AKAP10: variants seen among roughly 807,000 people sequenced by gnomAD.
AKAP10 encodes the protein A-kinase anchoring protein 10, also known as A-kinase anchor protein 10, mitochondrial.
A neutral mutation model predicts 80.8 loss-of-function variants in AKAP10; 24 were observed. The ratio of observed to expected loss-of-function variants is 0.30; its 90% CI spans 0.22 to 0.42. The LOEUF is 0.42. Ranked by LOEUF, AKAP10 falls within the 10% of genes least tolerant of loss-of-function variation. AKAP10 has a pLI of 1.00. For synonymous variants in AKAP10, 291 were observed against 277.7 expected (o/e 1.05, Z -0.48); for missense variants, 661 against 794.9 (o/e 0.83, Z 2.03).
At chr17:19,961,025 T>TAAACAAACAAAC (rs113388174) in intron 3 of AKAP10, among the ~76,000 whole-genome samples, 4 of 146,570 alleles carry the variant, frequency 2.7e-5, no homozygotes, top group African/African-American at 5.2e-5. Flanking sequence ...TACAAATAAA[T>TAAACAAACAAAC]AAACAAACAA....
chr17:19,908,448 C>T (rs1244914193), intron 14 of AKAP10, among the ~76,000 whole-genome samples: 1 of 152,096 alleles, frequency 6.6e-6, no homozygotes, highest in Non-Finnish European at 1.5e-5. Context: ...TATGTTCCAG[C>T]AATCATTCAG....
chr17:19,954,878 G>T (rs976077226), intron 4 of AKAP10, among the ~76,000 whole-genome samples: 1 of 151,494 alleles, frequency 6.6e-6, no homozygotes, highest in Non-Finnish European at 1.5e-5. Context: ...GACTCTGAAG[G>T]CACAATCCAT....
rs1334906678 is a variant in AKAP10, at chr17:19,924,513, C to A, written c.1646G>T (p.Ser549Ile). 1.3e-6 allele frequency: 2 copies of A among 1,589,402 alleles called. No individual in the cohort carries two copies. Among genetic ancestry groups the A allele is most frequent in the Non-Finnish European group, 8.6e-7 (1 of 1,162,434 alleles). ...GSSDSSASQSSVKKASIKILK... is the reference protein window; with the variant it reads ...GSSDSSASQSIVKKASIKILK... Reference sequence around the variant, plus strand: ...TATTTTAATACTGGCTTTTTTCACACTGGACTACAATAGAAATTGTAAAAT... The same window carrying A: ...TATTTTAATACTGGCTTTTTTCACAATGGACTACAATAGAAATTGTAAAAT... The change falls in exon 11 of 15, where the codon AGT (serine) becomes ATT (isoleucine). Residue 549 changes from serine to isoleucine, a missense_variant. Coordinates refer to ENST00000225737, the MANE Select transcript of AKAP10 (RefSeq NM_007202.4).
At chr17:19,972,583 G>A (rs1365171849) in intron 1 of AKAP10, among the ~76,000 whole-genome samples, 2 of 152,086 alleles carry the variant, frequency 1.3e-5, no homozygotes, top group African/African-American at 2.4e-5. Context: ...AGCCTCCCAA[G>A]TAGCTGGGAC....
chr17:19,928,418 A>T (rs1267026092), intron 10 of AKAP10, among the ~76,000 whole-genome samples: 1 of 152,206 alleles, frequency 6.6e-6, no homozygotes, highest in Non-Finnish European at 1.5e-5. Context: ...AGCCAAACAG[A>T]TAATAAGTTC....
intron 12 of AKAP10, among the ~76,000 whole-genome samples, chr17:19,918,458 C>T (rs1027805327): frequency 1.3e-5 from 2 of 152,062 alleles, no homozygotes; most frequent in Admixed American, 6.6e-5. Flanking sequence ...CGCTTAAACC[C>T]GGAGGCGGGT....
At chr17:19,966,485 A>G (rs16960554) in intron 2 of AKAP10, among the ~76,000 whole-genome samples, 14,979 of 152,236 alleles carry the variant, frequency 0.098, 805 homozygotes, top group Non-Finnish European at 0.12. Flanking sequence ...TATAAATGGC[A>G]GCTATTATTA....
In AKAP10 at chr17:19,906,545, C is replaced by T. The variant is rs77558973; in HGVS notation, c.1984-313G>A. ...ATTGCCAATTTTCAATAGAGTAATT[C>T]TACTTCTAGGAATTAACCCTAGAGC... On this transcript the variant is annotated intron_variant, in intron 14 of 14. Transcript: ENST00000225737. 2.7e-3 allele frequency among the ~76,000 whole-genome samples: 406 copies of T among 152,290 alleles called. 15 individuals are homozygous for T. The East Asian group carries it at 0.074, about 28-fold the overall frequency.
intron 2 of AKAP10, among the ~76,000 whole-genome samples, chr17:19,965,878 T>G (rs2043411653): frequency 2.0e-5 from 3 of 152,218 alleles, no homozygotes; most frequent in Admixed American, 1.3e-4. Context: ...TGGATATTAT[T>G]TCATCTATCT....
intron 4 of AKAP10, among the ~76,000 whole-genome samples, chr17:19,948,344 G>A (rs540781874): frequency 6.6e-6 from 1 of 152,224 alleles, no homozygotes; most frequent in Admixed American, 6.5e-5. Context: ...GCACAAAGAA[G>A]AAGTTCCAAG....
At chr17:19,950,861 G>A (rs1365018754) in intron 4 of AKAP10, among the ~76,000 whole-genome samples, 1 of 151,944 alleles carries the variant, frequency 6.6e-6, no homozygotes, top group Non-Finnish European at 1.5e-5. Flanking sequence ...TCTAGGAAGT[G>A]AGGAGTGTCT....
chr17:19,914,628 C>CA (rs36071856), intron 12 of AKAP10, among the ~76,000 whole-genome samples: 6,508 of 57,996 alleles, frequency 0.11, 552 homozygotes, highest in African/African-American at 0.24. Flanking sequence ...GACCCTATCT[C>CA]AAAAAAAAAA....
At chr17:19,940,028 T>C (rs542703170) in intron 7 of AKAP10, among the ~76,000 whole-genome samples, 179 bp from the exon 8 acceptor site, 1 of 152,304 alleles carries the variant, frequency 6.6e-6, no homozygotes, top group South Asian at 2.1e-4. Flanking sequence ...TTTTAAAGTA[T>C]TCTTTTAGAC....
At position 19,939,805 on chromosome 17, in the gene AKAP10, C is replaced by A; in HGVS notation, c.1230G>T (p.Leu410Phe). 1 of 1,613,966 alleles carries A rather than the reference C, an allele frequency of 6.2e-7. No homozygotes were observed. Among genetic ancestry groups the A allele is most frequent in the Non-Finnish European group, 8.5e-7 (1 of 1,179,982 alleles). The change falls in exon 8 of 15, where the codon TTG becomes TTT. Residue 410 changes from leucine to phenylalanine, a missense_variant. By Grantham distance (22) the Leu-to-Phe change is conservative. Transcript: ENST00000225737. ...GCTGAGACTGGAAGTTATCTGCTGC[C>A]AACCAGAATTGTAAGATATTCACTG... ...EDAVNILQFW[L>F]AADNFQSQLA...
rs141212940 is a variant in AKAP10 at position 19,955,479 on chromosome 17, C to T, written c.877+2535G>A. On this transcript the variant is annotated intron_variant, in intron 4 of 14. Coordinates refer to ENST00000225737, the MANE Select transcript of AKAP10 (RefSeq NM_007202.4). ...GAAAAAGGGAAAAATGTAACTAATG[C>T]TCTTTTAATAACTCCACTGCTATTT... Among the ~76,000 whole-genome samples the T allele has an allele frequency of 2.4e-3, 361 of 152,226 alleles. 1 individual carries two copies. The highest frequency in any genetic ancestry group is 8.2e-3 in the African/African-American group (342 of 41,542).
intron 1 of AKAP10, among the ~76,000 whole-genome samples, chr17:19,977,377 G>A (rs2043583099): frequency 6.6e-6 from 1 of 152,240 alleles, no homozygotes; most frequent in African/African-American, 2.4e-5. Context: ...TTCTGAACCA[G>A]CGCGACAATA....
intron 12 of AKAP10, among the ~76,000 whole-genome samples, chr17:19,911,835 CAAAAAAAAAAAAAAAAAAAAAAA>C (rs71157844): frequency 1.8e-5 from 1 of 55,008 alleles, no homozygotes; most frequent in East Asian, 9.6e-4. Flanking sequence ...AACTCTGTCA[CAAAAAAAAAAAAAAAAAAAAAAA>C]AAAAAAAAAA....
At chr17:19,910,004 G>A in intron 12 of AKAP10, 26 bp from the exon 13 acceptor site, 1 of 1,606,980 alleles carries the variant, frequency 6.2e-7, no homozygotes. Flanking sequence ...AAAATTGAAT[G>A]TACATTTCAT....
intron 12 of AKAP10, among the ~76,000 whole-genome samples, chr17:19,919,611 G>C (rs2042788223): frequency 6.6e-6 from 1 of 151,736 alleles, no homozygotes; most frequent in African/African-American, 2.4e-5. Context: ...TTGAACCTAG[G>C]AAGCAGAGGT....
Sources: allele counts gnomAD v4.1 joint callset (sites outside exome capture counted in the v4.1 genomes callset), GRCh38; gene constraint gnomAD v4.1.1; transcripts MANE v1.5; gene names NCBI Gene and HGNC (gene_info 2026-07-23, HGNC 2026-07-21).